STK33: variants seen among roughly 807,000 people sequenced by gnomAD.
STK33 encodes the protein serine/threonine kinase 33, also known as serine/threonine-protein kinase 33.
In STK33, 52 loss-of-function variants were observed where a neutral mutation model predicts 58.0. The observed-to-expected ratio is 0.90, with a 90% CI of 0.72 to 1.13. The LOEUF (loss-of-function observed/expected upper bound fraction) is 1.13. STK33 is among the 50% of genes most tolerant of loss of function. The probability of loss-of-function intolerance (pLI) is 0.00; values close to 1 mark genes in which losing one functional copy is unlikely to be tolerated. For missense variants in STK33, 630 were observed against 604.2 expected (o/e 1.04, Z -0.45); for synonymous variants, 215 against 200.1 (o/e 1.07, Z -0.63).
At chr11:8,439,575 G>A (rs1944458382) in intron 12 of STK33, among the ~76,000 whole-genome samples, 1 of 151,742 alleles carries the variant, frequency 6.6e-6, no homozygotes, top group Non-Finnish European at 1.5e-5. Flanking sequence ...TTTGAGCTGG[G>A]TCCACCCAGG....
At chr11:8,343,018 A>G in the STK33 span, among the ~76,000 whole-genome samples, 7 of 152,256 alleles carry the variant, frequency 4.6e-5, no homozygotes, top group African/African-American at 1.4e-4. Context: ...ACTGATTTAC[A>G]TAAGACTTAA....
intron 5 of STK33, 32 bp from the exon 6 acceptor site, chr11:8,473,308 A>T (rs751652198): frequency 9.3e-6 from 12 of 1,290,074 alleles, no homozygotes; most frequent in Non-Finnish European, 1.3e-5. Context: ...AAAAAAAAAA[A>T]CTTTAAGATG....
chr11:8,484,602 T>C (rs954243564), intron 1 of STK33, among the ~76,000 whole-genome samples: 8 of 152,204 alleles, frequency 5.3e-5, no homozygotes, highest in Non-Finnish European at 1.2e-4. Context: ...AATTGTATAA[T>C]TTAAATATGT....
the STK33 span, among the ~76,000 whole-genome samples, chr11:8,365,329 C>T: frequency 0.6 from 91,683 of 151,972 alleles, 27,904 homozygotes; most frequent in African/African-American, 0.65. Context: ...AGGAAGCTGA[C>T]GGGGACCTTC....
intron 1 of STK33, among the ~76,000 whole-genome samples, chr11:8,573,827 A>G (rs558041243): frequency 1.6e-3 from 238 of 152,358 alleles, no homozygotes; most frequent in African/African-American, 5.1e-3. Flanking sequence ...TCAAAAGGTT[A>G]CATACTGTAT....
intron 11 of STK33, among the ~76,000 whole-genome samples, chr11:8,451,506 C>T (rs1459896678): frequency 5.3e-5 from 8 of 152,002 alleles, no homozygotes; most frequent in African/African-American, 1.7e-4. Flanking sequence ...TTTTATGATT[C>T]CATTTATATG....
At chr11:8,419,544 C>T (rs754203710) in intron 14 of STK33, among the ~76,000 whole-genome samples, 3 of 151,982 alleles carry the variant, frequency 2.0e-5, no homozygotes, top group Non-Finnish European at 4.4e-5. Flanking sequence ...CTTTTTGCTT[C>T]GGATTGCTTT....
At chr11:8,365,352 A>G in the STK33 span, among the ~76,000 whole-genome samples, 3 of 152,122 alleles carry the variant, frequency 2.0e-5, no homozygotes, top group East Asian at 5.8e-4. Context: ...TCCCTGCCGG[A>G]CACCCCAGAA....
At chr11:8,530,038 G>C (rs12791925) in intron 1 of STK33, among the ~76,000 whole-genome samples, 25,725 of 152,140 alleles carry the variant, frequency 0.17, 2,628 homozygotes, top group South Asian at 0.31. Flanking sequence ...TGGTGCGAGA[G>C]GGGGCGGAAA....
At chr11:8,560,479 A>G (rs1957046452) in intron 1 of STK33, among the ~76,000 whole-genome samples, 1 of 152,046 alleles carries the variant, frequency 6.6e-6, no homozygotes, top group Non-Finnish European at 1.5e-5. Context: ...TCTGTCAAAC[A>G]TATTGCAATT....
chr11:8,582,069 T>C (rs965222684), intron 1 of STK33, among the ~76,000 whole-genome samples: 3 of 152,258 alleles, frequency 2.0e-5, no homozygotes, highest in African/African-American at 7.2e-5. Flanking sequence ...ATGTCCATAC[T>C]ATTTTATTTA....
chr11:8,545,981 C>A (rs1955879886), intron 1 of STK33, among the ~76,000 whole-genome samples: 1 of 152,110 alleles, frequency 6.6e-6, no homozygotes, highest in Admixed American at 6.5e-5. Flanking sequence ...AGGCTACAAA[C>A]CTGTATAGCA....
the STK33 span, among the ~76,000 whole-genome samples, chr11:8,385,177 T>G: frequency 6.6e-6 from 1 of 152,264 alleles, no homozygotes. Flanking sequence ...TCTCTCCATC[T>G]TCTCTGCCAC....
At chr11:8,517,808 C>T (rs982060411) in intron 1 of STK33, among the ~76,000 whole-genome samples, 7 of 151,944 alleles carry the variant, frequency 4.6e-5, no homozygotes, top group Admixed American at 1.3e-4. Context: ...TAAAAAGAAA[C>T]GAATGAAGCC....
the STK33 span, among the ~76,000 whole-genome samples, chr11:8,380,312 C>A: frequency 6.6e-6 from 1 of 152,136 alleles, no homozygotes. Flanking sequence ...GTAGTCCCAG[C>A]ACTTTGAGAG....
chr11:8,354,511 C>T, the STK33 span, among the ~76,000 whole-genome samples: 3 of 143,674 alleles, frequency 2.1e-5, no homozygotes, highest in African/African-American at 7.4e-5. Flanking sequence ...CACACACACA[C>T]ACACACCCCT....
chr11:8,549,067 A>G (rs1956133844), intron 1 of STK33, among the ~76,000 whole-genome samples: 1 of 152,176 alleles, frequency 6.6e-6, no homozygotes, highest in Non-Finnish European at 1.5e-5. Context: ...GACTCCACCA[A>G]AAAACTGTTA....
At chr11:8,377,210 T>C in the STK33 span, among the ~76,000 whole-genome samples, 8,143 of 152,276 alleles carry the variant, frequency 0.053, 391 homozygotes, top group African/African-American at 0.12. Flanking sequence ...TAGATACCCC[T>C]ATAGTTGTGG....
chr11:8,426,956 A>G (rs138847917), intron 14 of STK33, among the ~76,000 whole-genome samples: 2 of 152,030 alleles, frequency 1.3e-5, no homozygotes, highest in Non-Finnish European at 2.9e-5. Flanking sequence ...AGTGCTCCTC[A>G]TGTGGATATT....
Sources: gnomAD v4.1 joint callset for allele counts (sites outside exome capture counted in the v4.1 genomes callset) on GRCh38, gnomAD v4.1.1 for gene constraint, MANE v1.5 for transcripts, NCBI Gene and HGNC (gene_info 2026-07-23, HGNC 2026-07-21) for gene names.